The following IGSF10 variants were observed in gnomAD, a reference collection of about 807,000 sequenced individuals.
IGSF10 encodes immunoglobulin superfamily member 10, also known as calvaria mechanical force protein 608.
Under a neutral mutation model 128.2 loss-of-function variants are expected in IGSF10, and 126 were observed. The observed-to-expected ratio is 0.98, with a 90% confidence interval of 0.85 to 1.14. The LOEUF (loss-of-function observed/expected upper bound fraction) is 1.14. Among genes scored for constraint, IGSF10 ranks in the 50% most tolerant of loss-of-function variants. The pLI, the probability that IGSF10 is intolerant of heterozygous loss-of-function variation, is 0.00. For synonymous variants in IGSF10, 1,185 were observed against 1,146.2 expected, an observed-to-expected ratio of 1.03 and a Z score of -0.68; for missense variants, 3,295 against 3,149.8, an observed-to-expected ratio of 1.05 and a Z score of -1.10.
chr3:151,497,247 G>C, the IGSF10 span, among the ~76,000 whole-genome samples: 4 of 152,194 alleles, frequency 2.6e-5, no homozygotes, highest in Non-Finnish European at 5.9e-5. Context: ...TGAAGTCCTA[G>C]CCCATGCCTA....
the IGSF10 span, among the ~76,000 whole-genome samples, chr3:151,499,475 C>G: frequency 2.3e-4 from 35 of 152,156 alleles, no homozygotes; most frequent in African/African-American, 7.5e-4. Flanking sequence ...CTGTGGATTA[C>G]AGCAGAGTTT....
At chr3:151,442,823 A>G (rs1720939339) in intron 7 of IGSF10, among the ~76,000 whole-genome samples, 161 bp downstream of exon 7, 1 of 152,182 alleles carries the variant, frequency 6.6e-6, no homozygotes. Flanking sequence ...TATTCAAATG[A>G]TCTCAAAAGA....
the IGSF10 span, among the ~76,000 whole-genome samples, chr3:151,584,902 G>T: frequency 6.6e-6 from 1 of 152,320 alleles, no homozygotes; most frequent in East Asian, 1.9e-4. Context: ...TGCTGACCAA[G>T]TAACGGGCAA....
At chr3:151,591,877 T>G in the IGSF10 span, among the ~76,000 whole-genome samples, 3 of 152,212 alleles carry the variant, frequency 2.0e-5, no homozygotes, top group African/African-American at 7.2e-5. Flanking sequence ...TAAAAACACA[T>G]CTTTCTCTTT....
chr3:151,503,871 T>C, the IGSF10 span, among the ~76,000 whole-genome samples: 1 of 152,042 alleles, frequency 6.6e-6, no homozygotes, highest in African/African-American at 2.4e-5. Flanking sequence ...CGAGTTCTTC[T>C]TGCTGTCTTC....
In IGSF10 at chr3:151,445,238, T is replaced by C; in HGVS notation, c.4743A>G (p.Ser1581=). 1 of 1,614,246 alleles carries C rather than the reference T, an allele frequency of 6.2e-7. No individual in the cohort carries two copies. The highest frequency in any genetic ancestry group is 8.5e-7 in the Non-Finnish European group (1 of 1,180,044). ...GCTTTTTGCCTTTTTCAGCAATTTC[T>C]GAGTATGGTTTGTGCCAAAATTGGT... ...AENQFWHKPY[S]EIAEKGKKPE... is the part of the protein sequence containing the mutation. Residue 1581 remains serine, a synonymous_variant, in exon 6 of 8, where the codon TCA becomes TCG. Coordinates refer to ENST00000282466, the MANE Select transcript of IGSF10 (RefSeq NM_178822.5).
the IGSF10 span, among the ~76,000 whole-genome samples, chr3:151,599,732 TAAAG>T: frequency 6.6e-6 from 1 of 152,230 alleles, no homozygotes; most frequent in Admixed American, 6.5e-5. Flanking sequence ...TTTTGTCAAT[TAAAG>T]AATGTGGATA....
At chr3:151,474,822 A>G in the IGSF10 span, among the ~76,000 whole-genome samples, 3 of 151,856 alleles carry the variant, frequency 2.0e-5, no homozygotes, top group East Asian at 3.9e-4. Flanking sequence ...GGCAGCAGGC[A>G]AAGAGAGAGC....
At chr3:151,480,176 ACTATATTTTGACC>A in the IGSF10 span, among the ~76,000 whole-genome samples, 7 of 152,168 alleles carry the variant, frequency 4.6e-5, no homozygotes, top group Non-Finnish European at 8.8e-5. Flanking sequence ...CAAATAAACA[ACTATATTTTGACC>A]AAAATAAAGA....
the IGSF10 span, among the ~76,000 whole-genome samples, chr3:151,619,730 TG>T: frequency 6.6e-6 from 1 of 151,902 alleles, no homozygotes; most frequent in East Asian, 1.9e-4. Flanking sequence ...ATTTGGGAGG[TG>T]ATTGGGTTAT....
the IGSF10 span, among the ~76,000 whole-genome samples, chr3:151,492,433 T>C: frequency 6.6e-6 from 1 of 152,218 alleles, no homozygotes; most frequent in Non-Finnish European, 1.5e-5. Flanking sequence ...TCAGCTATTA[T>C]GGAAAACAGT....
chr3:151,437,454 T>C lies in IGSF10; in HGVS notation c.7107A>G (p.Ile2369Met). 1 of 1,614,210 alleles carries C rather than the reference T, an allele frequency of 6.2e-7. No individual in the cohort carries two copies. The highest frequency in any genetic ancestry group is 8.5e-7 in the Non-Finnish European group (1 of 1,180,028). Reference sequence around the variant, plus strand: ...GTGTGCCATTTGGTAAAATCCAGATTATTTCAGGTGGTGGGTTACCATCAA... The same window carrying C: ...GTGTGCCATTTGGTAAAATCCAGATCATTTCAGGTGGTGGGTTACCATCAA... ...CSVDGNPPPE[I>M]IWILPNGTRF... is the part of the protein sequence containing the mutation. The change falls in exon 8 of 8, where the codon ATA (isoleucine) becomes ATG (methionine). Residue 2369 changes from isoleucine (I) to methionine (M), a missense_variant. Ile to Met is a conservative substitution (Grantham distance 10, BLOSUM62 1). Transcript: ENST00000282466.
chr3:151,493,334 C>G, the IGSF10 span, among the ~76,000 whole-genome samples: 1 of 152,112 alleles, frequency 6.6e-6, no homozygotes, highest in East Asian at 1.9e-4. Flanking sequence ...GTTTGCTTCA[C>G]TATAGTAACC....
In IGSF10 at chr3:151,448,703, G is replaced by A. The variant is rs1479304780; in HGVS notation, c.1278C>T (p.Pro426=). The A allele has an allele frequency of 5.0e-6, 8 of 1,613,984 alleles. No individual in the cohort carries two copies. Among genetic ancestry groups the A allele is most frequent in the Middle Eastern group, 3.3e-4 (2 of 6,084 alleles). ...AAATTTGGTCTTGCATTAACCAAGA[G>A]GGATCTGCTCTGAGATCTGCCTCTA... ...TNIEADLRAD[P]SWLMQDQISL... is the part of the protein sequence containing the mutation. Residue 426 remains proline, a synonymous_variant, in exon 6 of 8, where the codon CCC becomes CCT. Transcript: ENST00000282466.
the IGSF10 span, among the ~76,000 whole-genome samples, chr3:151,516,317 A>C: frequency 5.9e-5 from 9 of 152,050 alleles, no homozygotes; most frequent in Admixed American, 2.0e-4. Flanking sequence ...TTGACAGATC[A>C]AGATTACTAT....
At chr3:151,604,236 C>T in the IGSF10 span, among the ~76,000 whole-genome samples, 1 of 151,992 alleles carries the variant, frequency 6.6e-6, no homozygotes, top group African/African-American at 2.4e-5. Context: ...GATACTAAAT[C>T]TGTCTTGGTG....
Position 151,446,283 on chromosome 3 carries a change from A to G in IGSF10, c.3698T>C (p.Val1233Ala). Reference protein sequence around the residue: ...HKVSLQKSTAVMLPKTSPALP... With the variant: ...HKVSLQKSTAAMLPKTSPALP... ...AGCAGGAGATGTTTTAGGAAGCATCACAGCTGTGCTTTTTTGTAAACTAAC... is the reference window on the plus strand; with the variant it reads ...AGCAGGAGATGTTTTAGGAAGCATCGCAGCTGTGCTTTTTTGTAAACTAAC... Residue 1233 changes from valine to alanine, a missense_variant, in exon 6 of 8, where the codon GTG (valine) becomes GCG (alanine). Coordinates refer to ENST00000282466, the MANE Select transcript of IGSF10 (RefSeq NM_178822.5). 6.2e-7 allele frequency: 1 copy of G among 1,614,110 alleles called. No homozygotes were observed. The highest frequency in any genetic ancestry group is 2.2e-5 in the East Asian group (1 of 44,874).
chr3:151,454,861 C>T (rs560293206), intron 4 of IGSF10, among the ~76,000 whole-genome samples: 12 of 151,644 alleles, frequency 7.9e-5, no homozygotes, highest in African/African-American at 2.4e-4. Flanking sequence ...CAAAATTAGC[C>T]GGGCATGGTG....
the IGSF10 span, among the ~76,000 whole-genome samples, chr3:151,506,429 A>C: frequency 6.6e-6 from 1 of 152,230 alleles, no homozygotes; most frequent in African/African-American, 2.4e-5. Flanking sequence ...TCTGGATTTT[A>C]ATTGGCTATT....
Sources: allele counts gnomAD v4.1 joint callset (sites outside exome capture counted in the v4.1 genomes callset), GRCh38; gene constraint gnomAD v4.1.1; transcripts MANE v1.5; gene names NCBI Gene and HGNC (gene_info 2026-07-23, HGNC 2026-07-21).